Variants in CDC42SE2 observed in about 807,000 individuals in gnomAD.
CDC42SE2 encodes CDC42 small effector protein 2.
A neutral mutation model predicts 11.5 loss-of-function variants in CDC42SE2; 3 were observed. That is an observed-to-expected ratio of 0.26 (90% confidence interval 0.12 to 0.67). The LOEUF is 0.67. CDC42SE2 is among the 30% of genes least tolerant of loss of function. CDC42SE2 has a pLI of 0.80. For synonymous variants in CDC42SE2, 33 were observed against 34.8 expected, an observed-to-expected ratio of 0.95 and a Z score of 0.18; for missense variants, 82 against 106.8, an observed-to-expected ratio of 0.77 and a Z score of 1.02.
intron 1 of CDC42SE2, among the ~76,000 whole-genome samples, chr5:131,293,428 T>C (rs1757503635): frequency 1.3e-5 from 2 of 152,104 alleles, no homozygotes; most frequent in African/African-American, 2.4e-5. Context: ...AAAAATTAGC[T>C]GGACGTGGTG....
chr5:131,266,880 C>T (rs1474703449), intron 1 of CDC42SE2, among the ~76,000 whole-genome samples: 1 of 150,420 alleles, frequency 6.6e-6, no homozygotes, highest in Non-Finnish European at 1.5e-5. Context: ...TGATGACAAA[C>T]CTACTTGTAA....
intron 3 of CDC42SE2, among the ~76,000 whole-genome samples, chr5:131,365,905 C>T (rs1473248334): frequency 6.6e-6 from 1 of 152,158 alleles, no homozygotes; most frequent in African/African-American, 2.4e-5. Context: ...TGGTGTGAAC[C>T]CGGGAAGCGG....
chr5:131,352,444 C>A (rs954107374), intron 2 of CDC42SE2, among the ~76,000 whole-genome samples: 4 of 152,028 alleles, frequency 2.6e-5, no homozygotes, highest in African/African-American at 9.7e-5. Flanking sequence ...AAAAAGAGTG[C>A]ATGCTGTATA....
At chr5:131,221,066 A>T in the CDC42SE2 span, among the ~76,000 whole-genome samples, 1 of 151,964 alleles carries the variant, frequency 6.6e-6, no homozygotes, top group Non-Finnish European at 1.5e-5. Context: ...TTGTATTATT[A>T]ATAGAGATGG....
At chr5:131,290,594 C>T (rs1757438501) in intron 1 of CDC42SE2, among the ~76,000 whole-genome samples, 1 of 150,004 alleles carries the variant, frequency 6.7e-6, no homozygotes, top group African/African-American at 2.5e-5. Context: ...ATCCTCCCAT[C>T]TCAGACTCCT....
chr5:131,346,098 C>T (rs79146003), intron 2 of CDC42SE2, among the ~76,000 whole-genome samples: 15 of 152,278 alleles, frequency 9.9e-5, no homozygotes, highest in African/African-American at 2.6e-4. Context: ...CATCAACTAA[C>T]GAGCAAAATA....
At chr5:131,293,294 G>A (rs568547654) in intron 1 of CDC42SE2, among the ~76,000 whole-genome samples, 4 of 152,280 alleles carry the variant, frequency 2.6e-5, no homozygotes, top group Admixed American at 6.5e-5. Flanking sequence ...GCCCTCAGCC[G>A]GGCACGGTGG....
intron 1 of CDC42SE2, among the ~76,000 whole-genome samples, chr5:131,266,954 CTTTTTTTT>C (rs34496996): frequency 1.4e-5 from 1 of 69,514 alleles, no homozygotes; most frequent in Non-Finnish European, 2.8e-5. Context: ...AAGTGTTTGG[CTTTTTTTT>C]TTTTTTTTTT....
At chr5:131,314,931 T>A (rs1392322749) in intron 1 of CDC42SE2, among the ~76,000 whole-genome samples, 1 of 152,190 alleles carries the variant, frequency 6.6e-6, no homozygotes, top group East Asian at 1.9e-4. Flanking sequence ...AAGTAATTGA[T>A]TATGAAGGAT....
At chr5:131,328,652 T>C (rs915499634) in intron 2 of CDC42SE2, among the ~76,000 whole-genome samples, 2 of 152,238 alleles carry the variant, frequency 1.3e-5, no homozygotes, top group Non-Finnish European at 2.9e-5. Context: ...CCAGTAATAC[T>C]GCTTCAGATG....
intron 1 of CDC42SE2, among the ~76,000 whole-genome samples, chr5:131,268,909 C>G (rs1276867814): frequency 6.6e-6 from 1 of 151,772 alleles, no homozygotes; most frequent in Non-Finnish European, 1.5e-5. Flanking sequence ...TGCCACCATG[C>G]CTGGCTAATT....
intron 1 of CDC42SE2, among the ~76,000 whole-genome samples, chr5:131,298,349 C>T (rs947307374): frequency 1.3e-5 from 2 of 151,832 alleles, no homozygotes; most frequent in African/African-American, 4.8e-5. Context: ...TCAGGTGATC[C>T]GATCTCAGGT....
At chr5:131,293,537 A>G (rs1757506834) in intron 1 of CDC42SE2, among the ~76,000 whole-genome samples, 1 of 145,580 alleles carries the variant, frequency 6.9e-6, no homozygotes, top group Admixed American at 7.3e-5. Flanking sequence ...AGGCCACTGC[A>G]CTCTAGCCTG....
chr5:131,338,666 A>G (rs1229340220), intron 2 of CDC42SE2, among the ~76,000 whole-genome samples: 1 of 152,184 alleles, frequency 6.6e-6, no homozygotes, highest in African/African-American at 2.4e-5. Flanking sequence ...AGAGCAGCAA[A>G]CTAGAACATA....
chr5:131,276,806 C>T (rs1371550191), intron 1 of CDC42SE2, among the ~76,000 whole-genome samples: 1 of 150,942 alleles, frequency 6.6e-6, no homozygotes, highest in African/African-American at 2.4e-5. Context: ...TGGTTCACTG[C>T]AATCTCTGCC....
intron 3 of CDC42SE2, among the ~76,000 whole-genome samples, chr5:131,375,304 T>C (rs749709860): frequency 1.2e-4 from 17 of 146,136 alleles, no homozygotes; most frequent in Admixed American, 3.3e-4. Flanking sequence ...AAATACATAC[T>C]GAGTAGGAAA....
intron 2 of CDC42SE2, among the ~76,000 whole-genome samples, chr5:131,351,822 GC>G (rs1759020273): frequency 6.6e-6 from 1 of 152,168 alleles, no homozygotes; most frequent in Admixed American, 6.5e-5. Flanking sequence ...TAAAACTTAT[GC>G]ATAAGACATT....
At chr5:131,220,945 C>T in the CDC42SE2 span, among the ~76,000 whole-genome samples, 3 of 143,176 alleles carry the variant, frequency 2.1e-5, no homozygotes, top group African/African-American at 8.1e-5. Context: ...AGTGCGGTGG[C>T]GCGATCTTGG....
chr5:131,309,485 C>T (rs1757853399), intron 1 of CDC42SE2, among the ~76,000 whole-genome samples: 1 of 151,834 alleles, frequency 6.6e-6, no homozygotes, highest in African/African-American at 2.4e-5. Flanking sequence ...AGGATTCCCT[C>T]TTTTTCTATT....
Sources: allele counts gnomAD v4.1 joint callset (sites outside exome capture counted in the v4.1 genomes callset), GRCh38; gene constraint gnomAD v4.1.1; transcripts MANE v1.5; gene names NCBI Gene and HGNC (gene_info 2026-07-23, HGNC 2026-07-21).